Variants in DUSP4 observed in about 807,000 individuals in gnomAD.
DUSP4 encodes dual specificity protein phosphatase 4.
A neutral mutation model predicts 27.2 loss-of-function variants in DUSP4; 12 were observed. That is an observed-to-expected ratio of 0.44 (90% CI 0.28 to 0.71). The LOEUF is 0.71. Among genes scored for constraint, DUSP4 ranks in the 30% least tolerant of loss-of-function variants. The pLI is 0.14. For missense variants in DUSP4, 448 were observed against 551.3 expected (o/e 0.81, Z 1.88); for synonymous variants, 257 against 245.2 (o/e 1.05, Z -0.45).
chr8:29,345,661 T>C (rs41277865), intron 1 of DUSP4: 49 of 1,452,344 alleles, frequency 3.4e-5, no homozygotes, highest in Non-Finnish European at 4.0e-5. Flanking sequence ...CTCCCTCATT[T>C]TTCTGAGCAG....
At position 29,335,354 on chromosome 8, in the gene DUSP4, G is replaced by A. The variant is rs573493157; in HGVS notation, c.*1672C>T. 36 of 152,318 alleles carry A rather than the reference G, an allele frequency of 2.4e-4. No individual in the cohort carries two copies. Among genetic ancestry groups the A allele is most frequent in the African/African-American group, 7.7e-4 (32 of 41,572 alleles). The allele number at this position is 152,318 out of a possible 1,614,324, so 9.4% of individuals were successfully genotyped here. A position where few individuals can be genotyped will look rare whatever the true frequency, so the allele number is the denominator to read the frequency against. ...TGCGTGCCCATGACGCACGTCACGGGAGCCAGCGGCCAGCCCCCTCACCAG... is the reference window on the plus strand; with the variant it reads ...TGCGTGCCCATGACGCACGTCACGGAAGCCAGCGGCCAGCCCCCTCACCAG... On this transcript the variant is annotated 3_prime_UTR_variant, in exon 4 of 4. Coordinates refer to ENST00000240100, the MANE Select transcript of DUSP4 (RefSeq NM_001394.7).
chr8:29,348,063 A>G (rs1817761257), intron 1 of DUSP4: 1 of 985,586 alleles, frequency 1.0e-6, no homozygotes. Context: ...TTCTTCCAGG[A>G]AGGAAAGCAA....
intron 1 of DUSP4, among the ~76,000 whole-genome samples, chr8:29,341,694 C>T (rs1377351656): frequency 6.6e-6 from 1 of 152,158 alleles, no homozygotes; most frequent in African/African-American, 2.4e-5. Flanking sequence ...GCACCCCCTC[C>T]CTCCCATCAT....
At chr8:29,349,808 C>T (rs1279832822) in intron 1 of DUSP4, 38 bp downstream of exon 1, 2 of 1,461,732 alleles carry the variant, frequency 1.4e-6, no homozygotes, top group Non-Finnish European at 1.8e-6. Context: ...CCCCCTCCAT[C>T]TCCCCGACTC....
intron 1 of DUSP4, chr8:29,348,588 C>A: frequency 7.1e-6 from 7 of 985,498 alleles, no homozygotes; most frequent in Non-Finnish European, 8.4e-6. Flanking sequence ...GGGAACAAAG[C>A]CCCCCGCTGT....
In DUSP4 at chr8:29,350,362, A is replaced by C. The variant is rs1817805717; in HGVS notation, c.-84T>G. 1 of 1,454,238 alleles carries C rather than the reference A, an allele frequency of 6.9e-7. No homozygotes were observed. 90.1% of individuals were successfully genotyped at this position (1,454,238 alleles called of 1,614,324 possible). A position where few individuals can be genotyped will look rare whatever the true frequency, so the allele number is the denominator to read the frequency against. On this transcript the variant is annotated 5_prime_UTR_variant, in exon 1 of 4. Transcript: ENST00000240100. ...TAGGCTGCAGAAAGGGGCGGGCGAG[A>C]GCTAAGAAGGGACGCCTGCAGAAGT...
chr8:29,340,968 T>G (rs1817648900), intron 1 of DUSP4, among the ~76,000 whole-genome samples: 1 of 151,966 alleles, frequency 6.6e-6, no homozygotes, highest in Non-Finnish European at 1.5e-5. Flanking sequence ...CCAGCTGAGC[T>G]GGGGTAGGGT....
In DUSP4 at chr8:29,340,230, C is replaced by G; in HGVS notation, c.447G>C (p.Arg149Ser). ...AGAATTCTGGGTACTCGGAGGAAAA[C>G]CTCTCATAGCCGCCTGTAAAGGAGA... Reference protein sequence around the residue: ...DICLLKGGYERFSSEYPEFCS... With the variant: ...DICLLKGGYESFSSEYPEFCS... The change falls in exon 2 of 4, where the codon AGG becomes AGC. Residue 149 changes from arginine (R) to serine (S), a missense_variant. Around this residue, in one of 3 missense-constraint regions of DUSP4, gnomAD observed 345 missense variants for 394.0 expected, o/e 0.88. Coordinates refer to ENST00000240100, the MANE Select transcript of DUSP4 (RefSeq NM_001394.7). The G allele has an allele frequency of 6.2e-7, 1 of 1,610,816 alleles. No homozygotes were observed. Among genetic ancestry groups the G allele is most frequent in the Non-Finnish European group, 8.5e-7 (1 of 1,178,602 alleles).
intron 3 of DUSP4, 86 bp downstream of exon 3, chr8:29,338,196 G>A: frequency 2.2e-6 from 3 of 1,392,514 alleles, no homozygotes; most frequent in African/African-American, 2.8e-5. Flanking sequence ...TGCCTCCAAT[G>A]TCCACCTTCA....
At chr8:29,348,894 C>T in intron 1 of DUSP4, 3 of 580,390 alleles carry the variant, frequency 5.2e-6, no homozygotes, top group Non-Finnish European at 6.6e-6. Flanking sequence ...CGGCGGGGGG[C>T]GCCCGGACCC....
intron 2 of DUSP4, among the ~76,000 whole-genome samples, chr8:29,339,343 CAG>C (rs1817622519): frequency 6.6e-6 from 1 of 152,168 alleles, no homozygotes; most frequent in African/African-American, 2.4e-5. Context: ...ATAAGAAACA[CAG>C]TGGCTCAAGC....
At chr8:29,349,598 G>A (rs972514840) in intron 1 of DUSP4, among the ~76,000 whole-genome samples, 2 of 152,232 alleles carry the variant, frequency 1.3e-5, no homozygotes, top group African/African-American at 2.4e-5. Flanking sequence ...AATAAACGGG[G>A]CCTCGCTAGG....
intron 2 of DUSP4, 29 bp downstream of exon 2, chr8:29,340,069 C>G (rs779134178): frequency 1.3e-6 from 2 of 1,550,324 alleles, no homozygotes; most frequent in Non-Finnish European, 1.7e-6. Flanking sequence ...TCCTGCCCCC[C>G]ACTTCCAAGC....
At chr8:29,343,167 CAAA>C (rs3052311) in intron 1 of DUSP4, among the ~76,000 whole-genome samples, 1 of 86,548 alleles carries the variant, frequency 1.2e-5, no homozygotes, top group Non-Finnish European at 2.4e-5. Flanking sequence ...GACTCCATCT[CAAA>C]AAAAAAAAAA....
At chr8:29,339,952 A>T in intron 2 of DUSP4, 146 bp downstream of exon 2, 2 of 1,125,546 alleles carry the variant, frequency 1.8e-6, no homozygotes, top group Non-Finnish European at 2.4e-6. Flanking sequence ...GTAAGCTATG[A>T]TCACACCACT....
intron 3 of DUSP4, 106 bp downstream of exon 3, chr8:29,338,176 T>C (rs1174275090): frequency 4.4e-5 from 52 of 1,184,460 alleles, no homozygotes; most frequent in Non-Finnish European, 6.4e-5. Context: ...ATGGGGACCC[T>C]TGGATTCAGT....
chr8:29,344,694 C>T (rs569192), intron 1 of DUSP4, among the ~76,000 whole-genome samples: 6,636 of 152,214 alleles, frequency 0.044, 476 homozygotes, highest in African/African-American at 0.15. Flanking sequence ...CACACTCCCC[C>T]GTCCCTTGCA....
At chr8:29,338,715 G>A (rs1041629309) in intron 2 of DUSP4, among the ~76,000 whole-genome samples, 6 of 152,166 alleles carry the variant, frequency 3.9e-5, no homozygotes, top group African/African-American at 1.4e-4. Flanking sequence ...CTCTACTTGT[G>A]AGCAGAGAGG....
chr8:29,336,323 C>T lies in DUSP4; in HGVS notation c.*703G>A, dbSNP rs1310659931. On this transcript the variant is annotated 3_prime_UTR_variant, in exon 4 of 4. Coordinates refer to ENST00000240100, the MANE Select transcript of DUSP4 (RefSeq NM_001394.7). The stretch of plus-strand genomic sequence containing the variant: ...TCAAGTTGCTCATCATGCTACCTTG[C>T]ACATATCTACAAGACACCATTTACT... The T allele has an allele frequency of 4.6e-5, 7 of 152,172 alleles. No individual in the cohort carries two copies. The highest frequency in any genetic ancestry group is 1.7e-4 in the African/African-American group (7 of 41,422). The allele number at this position is 152,172 out of a possible 1,614,324, so 9.4% of individuals were successfully genotyped here. A position where few individuals can be genotyped will look rare whatever the true frequency, so the allele number is the denominator to read the frequency against.
Sources: allele counts gnomAD v4.1 joint callset (sites outside exome capture counted in the v4.1 genomes callset), GRCh38; gene constraint gnomAD v4.1.1; regional missense constraint gnomAD v4.1.1; transcripts MANE v1.5; gene names NCBI Gene and HGNC (gene_info 2026-07-23, HGNC 2026-07-21).